Variants in NHLRC2 observed in about 807,000 individuals in gnomAD.
NHLRC2 encodes NHL repeat-containing protein 2.
A neutral mutation model predicts 68.1 loss-of-function variants in NHLRC2; 33 were observed. The observed-to-expected ratio is 0.48, with a 90% CI of 0.37 to 0.65. The LOEUF (loss-of-function observed/expected upper bound fraction) is 0.65, where lower values mean the gene tolerates loss of function less well. Among genes scored for constraint, NHLRC2 ranks in the 30% least tolerant of loss-of-function variants. The pLI, the probability that NHLRC2 is intolerant of heterozygous loss-of-function variation, is 0.00. For missense variants in NHLRC2, 761 were observed against 853.8 expected (o/e 0.89, Z 1.35); for synonymous variants, 311 against 309.6 (o/e 1.00, Z -0.05).
Position 113,915,286 on chromosome 10 carries a change from A to C in NHLRC2, c.*6750A>C. 2.2e-6 allele frequency: 1 copy of C among 454,938 alleles called. No individual in the cohort carries two copies. Among genetic ancestry groups the C allele is most frequent in the South Asian group, 1.6e-5 (1 of 64,318 alleles). 28.2% of individuals were successfully genotyped at this position (454,938 alleles called of 1,614,324 possible). On this transcript the variant is annotated 3_prime_UTR_variant, in exon 11 of 11. Coordinates refer to ENST00000369301, the MANE Select transcript of NHLRC2 (RefSeq NM_198514.4). ...TACCTGTACAAGCAGCCATATACTA[A>C]AAAGCACTAAACAAGCACAAATGAA...
chr10:113,888,927 A>G (rs1169838992), intron 5 of NHLRC2, among the ~76,000 whole-genome samples: 3 of 151,610 alleles, frequency 2.0e-5, no homozygotes, highest in Non-Finnish European at 4.4e-5. Flanking sequence ...GTCGGGTTCA[A>G]GCAATTCTCC....
rs1368885721 is a variant in NHLRC2 at position 113,884,309 on chromosome 10, A to G, written c.968A>G (p.Asp323Gly). 6.2e-7 allele frequency: 1 copy of G among 1,610,682 alleles called. No homozygotes were observed. Among genetic ancestry groups the G allele is most frequent in the African/African-American group, 1.3e-5 (1 of 74,814 alleles). Residue 323 changes from aspartate (D) to glycine (G), a missense_variant, in exon 5 of 11, where the codon GAT becomes GGT. Physicochemically the swap from Asp to Gly is moderately conservative, Grantham distance 94. Transcript: ENST00000369301. Reference sequence around the variant, plus strand: ...GCTGGTATTGGAATTCAAGGTACAGATAAAGAAGGTGGAGCAAAAGGAGAA... The same window carrying G: ...GCTGGTATTGGAATTCAAGGTACAGGTAAAGAAGGTGGAGCAAAAGGAGAA... ...TVAGIGIQGT[D>G]KEGGAKGEQQ...
At chr10:113,888,178 A>C (rs1007905384) in intron 5 of NHLRC2, among the ~76,000 whole-genome samples, 5 of 152,206 alleles carry the variant, frequency 3.3e-5, no homozygotes, top group Admixed American at 6.5e-5. Flanking sequence ...GTATGGGGAA[A>C]GGGAAGAGGT....
chr10:113,872,178 A>G (rs1589537874), intron 2 of NHLRC2, among the ~76,000 whole-genome samples: 2 of 152,182 alleles, frequency 1.3e-5, no homozygotes, highest in African/African-American at 2.4e-5. Context: ...ATAATCAGCT[A>G]TATAAGAAAG....
chr10:113,896,862 C>T (rs946542066), intron 5 of NHLRC2, among the ~76,000 whole-genome samples: 86 of 151,582 alleles, frequency 5.7e-4, no homozygotes, highest in African/African-American at 2.0e-3. Context: ...GGCATGGTGG[C>T]GGGTGCCTGT....
Position 113,903,709 on chromosome 10 carries a change from G to T in NHLRC2, c.1677G>T (p.Met559Ile). ...ADTNNHQIKV[M>I]DLETKMVSVL... Reference sequence around the variant, plus strand: ...CCAATAATCATCAAATTAAAGTGATGGATTTAGAAACTAAAATGGTATCTG... The same window carrying T: ...CCAATAATCATCAAATTAAAGTGATTGATTTAGAAACTAAAATGGTATCTG... Residue 559 changes from methionine to isoleucine, a missense_variant, in exon 9 of 11, where the codon ATG (methionine) becomes ATT (isoleucine). Physicochemically the swap from Met to Ile is conservative, Grantham distance 10. Coordinates refer to ENST00000369301, the MANE Select transcript of NHLRC2 (RefSeq NM_198514.4). The T allele has an allele frequency of 6.3e-7, 1 of 1,580,976 alleles. No homozygotes were observed. The highest frequency in any genetic ancestry group is 1.1e-5 in the South Asian group (1 of 90,094).
intron 6 of NHLRC2, 40 bp from the exon 7 acceptor site, chr10:113,901,626 T>C: frequency 3.2e-6 from 4 of 1,251,900 alleles, no homozygotes; most frequent in Non-Finnish European, 3.5e-6. Context: ...GCACACAATA[T>C]ACCACATGTT....
chr10:113,895,961 A>G (rs1846173124), intron 5 of NHLRC2, among the ~76,000 whole-genome samples: 1 of 152,186 alleles, frequency 6.6e-6, no homozygotes, highest in Admixed American at 6.5e-5. Context: ...AACCTCCACA[A>G]TGAGATACCA....
At chr10:113,906,470 A>T (rs901196151) in intron 10 of NHLRC2, among the ~76,000 whole-genome samples, 2 of 151,980 alleles carry the variant, frequency 1.3e-5, no homozygotes, top group African/African-American at 4.8e-5. Flanking sequence ...TTATTTAGAA[A>T]CACTTATTTT....
In NHLRC2 at chr10:113,902,589, A is replaced by C; in HGVS notation, c.1490A>C (p.His497Pro). The change falls in exon 8 of 11, where the codon CAC (histidine) becomes CCC (proline). Residue 497 changes from histidine (H) to proline (P), a missense_variant. Physicochemically the swap from His to Pro is moderately conservative, Grantham distance 77. Coordinates refer to ENST00000369301, the MANE Select transcript of NHLRC2 (RefSeq NM_198514.4). ...CTTTATGTTGCAGACTCCTACAATC[A>C]CAAGGTGAGTCGTGACAGAATTATA... is the stretch of plus-strand genomic sequence containing the variant. ...NLLYVADSYN[H>P]KIKVVDPKTK... 1 of 1,601,040 alleles carries C rather than the reference A, an allele frequency of 6.2e-7. No individual in the cohort carries two copies. Among genetic ancestry groups the C allele is most frequent in the Non-Finnish European group, 8.5e-7 (1 of 1,176,250 alleles).
chr10:113,899,658 G>A (rs145179279), intron 6 of NHLRC2, among the ~76,000 whole-genome samples: 3,096 of 152,220 alleles, frequency 0.02, 113 homozygotes, highest in African/African-American at 0.071. Flanking sequence ...GGTGGGTCAC[G>A]CCTGTAATCC....
intron 5 of NHLRC2, among the ~76,000 whole-genome samples, chr10:113,891,368 C>T (rs936823107): frequency 3.9e-5 from 6 of 152,086 alleles, no homozygotes; most frequent in African/African-American, 7.2e-5. Context: ...CTTTGTTACT[C>T]GGAAGCGGGT....
intron 2 of NHLRC2, 180 bp downstream of exon 2, chr10:113,858,860 TA>T (rs1845788556): frequency 2.4e-6 from 1 of 424,802 alleles, no homozygotes; most frequent in Non-Finnish European, 4.2e-6. Context: ...AGCTTAGTGA[TA>T]GTGGTTTGCC....
chr10:113,866,531 T>C (rs1308951717), intron 2 of NHLRC2, among the ~76,000 whole-genome samples: 1 of 152,166 alleles, frequency 6.6e-6, no homozygotes, highest in African/African-American at 2.4e-5. Flanking sequence ...TATGTTAATG[T>C]ATAACTAAGT....
chr10:113,891,311 A>T (rs1169304780), intron 5 of NHLRC2, among the ~76,000 whole-genome samples: 2 of 152,160 alleles, frequency 1.3e-5, no homozygotes, highest in Non-Finnish European at 2.9e-5. Flanking sequence ...TCTGTATTAG[A>T]TAGTTCCAAA....
At chr10:113,880,425 C>G (rs367864705) in intron 4 of NHLRC2, among the ~76,000 whole-genome samples, 3 of 151,584 alleles carry the variant, frequency 2.0e-5, no homozygotes, top group Admixed American at 2.0e-4. Context: ...TAGATGTACT[C>G]GGTTATTTCA....
In NHLRC2 at chr10:113,914,580, A is replaced by T. The variant is rs1233885913; in HGVS notation, c.*6044A>T. The T allele has an allele frequency of 5.1e-6, 1 of 195,542 alleles. No homozygotes were observed. Among genetic ancestry groups the T allele is most frequent in the East Asian group, 1.4e-4 (1 of 7,070 alleles). The allele number at this position is 195,542 out of a possible 1,614,324, so 12.1% of individuals were successfully genotyped here. ...ACTTTTCATTCTTAGTGTGCTAATT[A>T]AGTAGTAGTATGGTGCAGTAAGGAA... On this transcript the variant is annotated 3_prime_UTR_variant, in exon 11 of 11. Transcript: ENST00000369301.
chr10:113,880,390 G>A (rs1846025976), intron 4 of NHLRC2, among the ~76,000 whole-genome samples: 2 of 151,516 alleles, frequency 1.3e-5, no homozygotes, highest in Non-Finnish European at 3.0e-5. Context: ...TCACCTGAAT[G>A]ATATGACTGT....
At chr10:113,869,610 T>C (rs554775233) in intron 2 of NHLRC2, among the ~76,000 whole-genome samples, 2 of 152,312 alleles carry the variant, frequency 1.3e-5, no homozygotes, top group East Asian at 1.9e-4. Context: ...TTCAGCGTTC[T>C]CTGCACCTAA....
Sources: gnomAD v4.1 joint callset for allele counts (sites outside exome capture counted in the v4.1 genomes callset) on GRCh38, gnomAD v4.1.1 for gene constraint, MANE v1.5 for transcripts, NCBI Gene and HGNC (gene_info 2026-07-23, HGNC 2026-07-21) for gene names.